STX7: variants seen among roughly 807,000 people sequenced by gnomAD.
STX7 encodes syntaxin 7.
STX7 carries 34 observed loss-of-function variants against 39.6 expected under a neutral mutation model. That is an observed-to-expected ratio of 0.86 (90% CI 0.65 to 1.14). The LOEUF (loss-of-function observed/expected upper bound fraction) is 1.14, where lower values mean the gene tolerates loss of function less well. STX7 is among the 50% of genes most tolerant of loss of function. The pLI is 0.00. For synonymous variants in STX7, 119 were observed against 99.1 expected (o/e 1.20, Z -1.19); for missense variants, 284 against 310.4 (o/e 0.92, Z 0.64).
At position 132,470,590 on chromosome 6, in the gene STX7, G is replaced by C; in HGVS notation, c.424C>G (p.Leu142Val). The C allele has an allele frequency of 6.2e-7, 1 of 1,606,918 alleles. No individual in the cohort carries two copies. The highest frequency in any genetic ancestry group is 8.5e-7 in the Non-Finnish European group (1 of 1,175,624). The change falls in exon 6 of 10, where the codon CTT becomes GTT. Residue 142 changes from leucine (L) to valine (V), a missense_variant. Leu to Val is a conservative substitution (Grantham distance 32). Coordinates refer to ENST00000367941, the MANE Select transcript of STX7 (RefSeq NM_003569.3). The stretch of plus-strand genomic sequence containing the variant: ...ATTTCTTACCTTTCCCAGGATACAA[G>C]ATTCCTTTCTTTTGAGCTGTCCTCA... ...FPEDSSKERN[L>V]VSWESQTQPQ...
rs1453899868 is a variant in STX7, at chr6:132,475,635, T to C, written c.113A>G (p.Gln38Arg). ...CSVEIQRTLNQLGTPQDSPEL... is the reference protein window; with the variant it reads ...CSVEIQRTLNRLGTPQDSPEL... ...AGGTGAATCTTGAGGTGTTCCAAGTTGATTCAGAGTTCTTTGTATTTCCAC... is the reference window on the plus strand; with the variant it reads ...AGGTGAATCTTGAGGTGTTCCAAGTCGATTCAGAGTTCTTTGTATTTCCAC... Residue 38 changes from glutamine (Q) to arginine (R), a missense_variant, in exon 3 of 10, where the codon CAA (glutamine) becomes CGA (arginine). Gln to Arg is a conservative substitution (Grantham distance 43). Transcript: ENST00000367941. 1.2e-6 allele frequency: 2 copies of C among 1,609,396 alleles called. No homozygotes were observed. The highest frequency in any genetic ancestry group is 1.7e-6 in the Non-Finnish European group (2 of 1,178,012).
intron 9 of STX7, chr6:132,461,831 A>G (rs1225967204): frequency 3.9e-6 from 6 of 1,541,148 alleles, no homozygotes; most frequent in Non-Finnish European, 5.3e-6. Flanking sequence ...TGGCGTTTGT[A>G]CCTCACATCA....
Position 132,502,885 on chromosome 6 carries a change from T to C in STX7, c.85+561A>G, listed in dbSNP as rs143547412. ...CTGCACTCCAGCCTGGGCGACAGAG[T>C]GAGGCTGTCTCTAAAAAAAAAAAAG... On this transcript the variant is annotated intron_variant, in intron 2 of 9. Coordinates refer to ENST00000367941, the MANE Select transcript of STX7 (RefSeq NM_003569.3). Among the ~76,000 whole-genome samples the C allele has an allele frequency of 8.8e-3, 1,327 of 151,394 alleles. 18 individuals carry two copies. The highest frequency in any genetic ancestry group is 0.031 in the African/African-American group (1,276 of 41,172).
intron 2 of STX7, among the ~76,000 whole-genome samples, chr6:132,482,555 T>A (rs995395217): frequency 5.3e-5 from 8 of 152,186 alleles, no homozygotes; most frequent in Admixed American, 5.2e-4. Flanking sequence ...TTCAAAAAAC[T>A]TTTTTCAATG....
At chr6:132,494,840 G>T (rs1775383897) in intron 2 of STX7, among the ~76,000 whole-genome samples, 1 of 152,146 alleles carries the variant, frequency 6.6e-6, no homozygotes, top group Non-Finnish European at 1.5e-5. Context: ...AGTTTTACAG[G>T]TTTACCTTGG....
At chr6:132,509,374 C>G (rs959714245) in intron 1 of STX7, among the ~76,000 whole-genome samples, 1 of 151,894 alleles carries the variant, frequency 6.6e-6, no homozygotes, top group African/African-American at 2.4e-5. Context: ...ATCGCTTGAA[C>G]CCAGGAGGCG....
intron 2 of STX7, among the ~76,000 whole-genome samples, chr6:132,479,485 TG>T (rs767497017): frequency 3.7e-4 from 56 of 152,230 alleles, no homozygotes; most frequent in Non-Finnish European, 1.0e-4. Flanking sequence ...GAATAAACAA[TG>T]GTACAAGGTA....
At chr6:132,474,575 G>A (rs1022896316) in intron 3 of STX7, among the ~76,000 whole-genome samples, 1 of 151,822 alleles carries the variant, frequency 6.6e-6, no homozygotes, top group East Asian at 1.9e-4. Context: ...AGATATATGT[G>A]ACTTGAAATT....
intron 2 of STX7, among the ~76,000 whole-genome samples, chr6:132,487,044 C>CAA (rs1439971360): frequency 6.6e-6 from 1 of 152,098 alleles, no homozygotes; most frequent in Admixed American, 6.5e-5. Context: ...ACGAATTCTT[C>CAA]AATTTTTTGG....
rs942800113 is a variant in STX7 at position 132,454,388 on chromosome 6, G to C, written c.*6370C>G. 1 of 152,076 alleles carries C rather than the reference G, an allele frequency of 6.6e-6. No homozygotes were observed. Among genetic ancestry groups the C allele is most frequent in the Non-Finnish European group, 1.5e-5 (1 of 67,980 alleles). 9.4% of individuals were successfully genotyped at this position (152,076 alleles called of 1,614,324 possible). A position where few individuals can be genotyped will look rare whatever the true frequency, so the allele number is the denominator to read the frequency against. ...AACGTTCTCTATCTTAGCTATACCA[G>C]TGTCAGTATCCTGGGTATGATATTG... On this transcript the variant is annotated 3_prime_UTR_variant, in exon 10 of 10. Transcript: ENST00000367941.
At chr6:132,504,989 T>C (rs1226397197) in intron 1 of STX7, among the ~76,000 whole-genome samples, 2 of 152,168 alleles carry the variant, frequency 1.3e-5, no homozygotes, top group Non-Finnish European at 2.9e-5. Context: ...CAACCCTGGA[T>C]CAGATGATTC....
chr6:132,504,491 C>T (rs1388830894), intron 1 of STX7, among the ~76,000 whole-genome samples: 1 of 152,170 alleles, frequency 6.6e-6, no homozygotes, highest in African/African-American at 2.4e-5. Context: ...TACAGAACTG[C>T]GCACAGCAAA....
In STX7 at chr6:132,452,807, A is replaced by T. The variant is rs972974124; in HGVS notation, c.*7951T>A. On this transcript the variant is annotated 3_prime_UTR_variant, in exon 10 of 10. Transcript: ENST00000367941. ...ATGGTAAAGATGTCAAATCTCCCCAAATTGATGTATAGGTATAACATAGTT... is the reference window on the plus strand; with the variant it reads ...ATGGTAAAGATGTCAAATCTCCCCATATTGATGTATAGGTATAACATAGTT... 6.6e-6 allele frequency: 1 copy of T among 152,134 alleles called. No individual in the cohort carries two copies. Among genetic ancestry groups the T allele is most frequent in the Non-Finnish European group, 1.5e-5 (1 of 67,974 alleles). 9.4% of individuals were successfully genotyped at this position (152,134 alleles called of 1,614,324 possible). A position where few individuals can be genotyped will look rare whatever the true frequency, so the allele number is the denominator to read the frequency against.
rs1034811496 is a variant in STX7 at position 132,455,883 on chromosome 6, A to G, written c.*4875T>C. ...TCTTTATTCCTATTTGATTTAAAAG[A>G]AAAAGATTTGCCAAGGGATGGGTAG... On this transcript the variant is annotated 3_prime_UTR_variant, in exon 10 of 10. Coordinates refer to ENST00000367941, the MANE Select transcript of STX7 (RefSeq NM_003569.3). 5 of 152,226 alleles carry G rather than the reference A, an allele frequency of 3.3e-5. No homozygotes were observed. The highest frequency in any genetic ancestry group is 1.5e-5 in the Non-Finnish European group (1 of 68,036). The allele number at this position is 152,226 out of a possible 1,614,324, so 9.4% of individuals were successfully genotyped here. A position where few individuals can be genotyped will look rare whatever the true frequency, so the allele number is the denominator to read the frequency against.
intron 2 of STX7, among the ~76,000 whole-genome samples, chr6:132,489,116 A>G (rs1775213038): frequency 6.7e-6 from 1 of 150,240 alleles, no homozygotes; most frequent in Admixed American, 6.6e-5. Flanking sequence ...GCACAAGAAT[A>G]GCTTGAACCC....
In STX7 at chr6:132,450,547, T is replaced by A. The variant is rs1431518592; in HGVS notation, c.*10211A>T. The stretch of plus-strand genomic sequence containing the variant: ...AAAAAAAAAAAAATTGATACTCTCT[T>A]CTATAGTATAGGTTTATACTCCAGG... On this transcript the variant is annotated 3_prime_UTR_variant, in exon 10 of 10. Coordinates refer to ENST00000367941, the MANE Select transcript of STX7 (RefSeq NM_003569.3). The A allele has an allele frequency of 1.3e-5, 2 of 152,084 alleles. No homozygotes were observed. The highest frequency in any genetic ancestry group is 2.9e-5 in the Non-Finnish European group (2 of 68,018). 9.4% of individuals were successfully genotyped at this position (152,084 alleles called of 1,614,324 possible).
At chr6:132,508,000 T>C (rs539537434) in intron 1 of STX7, among the ~76,000 whole-genome samples, 3 of 152,332 alleles carry the variant, frequency 2.0e-5, no homozygotes, top group South Asian at 4.1e-4. Context: ...ACCATGGAAG[T>C]AGCAACTGGA....
Position 132,447,598 on chromosome 6 carries a change from TTTG to T in STX7, c.*13157_*13159del, listed in dbSNP as rs1320691186. 2 of 152,124 alleles carry T rather than the reference TTTG, an allele frequency of 1.3e-5. No individual in the cohort carries two copies. The highest frequency in any genetic ancestry group is 1.5e-5 in the Non-Finnish European group (1 of 67,974). The allele number at this position is 152,124 out of a possible 1,614,324, so 9.4% of individuals were successfully genotyped here. On this transcript the variant is annotated 3_prime_UTR_variant, in exon 10 of 10. Transcript: ENST00000367941. ...CCCTCTACATTTTTACTTTAATAAC[TTTG>T]TTTAGAACTGTTATACCTACTTCAG...
intron 8 of STX7, among the ~76,000 whole-genome samples, chr6:132,465,648 C>T (rs955990443): frequency 2.6e-5 from 4 of 152,182 alleles, no homozygotes; most frequent in African/African-American, 7.2e-5. Context: ...GCTTCTCAGG[C>T]CTCCTCTGGC....
Sources: allele counts gnomAD v4.1 joint callset (sites outside exome capture counted in the v4.1 genomes callset), GRCh38; gene constraint gnomAD v4.1.1; transcripts MANE v1.5; gene names NCBI Gene and HGNC (gene_info 2026-07-23, HGNC 2026-07-21).